The following RNLS variants were observed in gnomAD, a reference collection of about 807,000 sequenced individuals.
RNLS encodes renalase, FAD dependent amine oxidase.
Under a neutral mutation model 39.8 loss-of-function variants are expected in RNLS, and 39 were observed. The ratio of observed to expected loss-of-function variants is 0.98; its 90% CI spans 0.76 to 1.28. RNLS has a LOEUF of 1.28. Among genes scored for constraint, RNLS ranks in the 50% most tolerant of loss-of-function variants. The pLI is 0.00. For missense variants in RNLS, 410 were observed against 413.3 expected, an observed-to-expected ratio of 0.99 and a Z score of 0.07; for synonymous variants, 147 against 150.7, an observed-to-expected ratio of 0.98 and a Z score of 0.18.
chr10:88,261,357 T>A, the RNLS span, among the ~76,000 whole-genome samples: 171 of 152,310 alleles, frequency 1.1e-3, no homozygotes, highest in Non-Finnish European at 1.9e-3. Context: ...TATGCTGCAG[T>A]AACAAACACC....
chr10:88,386,345 A>C (rs767732196), intron 4 of RNLS, among the ~76,000 whole-genome samples: 1 of 152,162 alleles, frequency 6.6e-6, no homozygotes, highest in Non-Finnish European at 1.5e-5. Flanking sequence ...CATAACCAAA[A>C]GGCTAAAATT....
intron 6 of RNLS, among the ~76,000 whole-genome samples, chr10:88,312,513 A>G (rs1010694964): frequency 3.3e-5 from 5 of 152,148 alleles, no homozygotes; most frequent in African/African-American, 1.2e-4. Flanking sequence ...TTACAACAAC[A>G]ATAGGAAATA....
At chr10:88,504,700 T>C (rs1845688564) in intron 4 of RNLS, among the ~76,000 whole-genome samples, 1 of 152,118 alleles carries the variant, frequency 6.6e-6, no homozygotes, top group Non-Finnish European at 1.5e-5. Context: ...ACTCAGACTG[T>C]ATACACTCTA....
At chr10:88,339,031 A>C (rs1466416051) in intron 5 of RNLS, among the ~76,000 whole-genome samples, 1 of 151,892 alleles carries the variant, frequency 6.6e-6, no homozygotes, top group Non-Finnish European at 1.5e-5. Flanking sequence ...CAAAGTGCCG[A>C]GCCACCGTGT....
chr10:88,333,739 A>G (rs1030857471), intron 5 of RNLS, among the ~76,000 whole-genome samples: 2 of 152,138 alleles, frequency 1.3e-5, no homozygotes, highest in African/African-American at 4.8e-5. Context: ...CTAATTTCCA[A>G]TGTGTTCGTA....
At chr10:88,199,801 G>A in the RNLS span, among the ~76,000 whole-genome samples, 1 of 152,204 alleles carries the variant, frequency 6.6e-6, no homozygotes, top group Non-Finnish European at 1.5e-5. Flanking sequence ...GTTCAAGCCA[G>A]AGAGATTGAG....
At position 88,366,124 on chromosome 10, in the gene RNLS, T is replaced by C. The variant is rs117216071; in HGVS notation, c.527-3399A>G. Among the ~76,000 whole-genome samples the C allele has an allele frequency of 8.1e-3, 1,233 of 152,246 alleles. 19 individuals carry two copies. Among genetic ancestry groups the C allele is most frequent in the South Asian group, 0.029 (139 of 4,828 alleles). ...AATAAATAATCAAGTAAATGGTATG[T>C]CAGTTGGTGATAAGAACTATAAGGA... On this transcript the variant is annotated intron_variant, in intron 4 of 6. Transcript: ENST00000331772.
the RNLS span, among the ~76,000 whole-genome samples, chr10:88,213,718 G>C: frequency 2.0e-5 from 3 of 152,090 alleles, no homozygotes; most frequent in Middle Eastern, 3.2e-3. Flanking sequence ...ATTTTTATCT[G>C]AAGGTACATG....
chr10:88,287,946 T>C (rs769134989), intron 6 of RNLS, among the ~76,000 whole-genome samples: 4 of 152,012 alleles, frequency 2.6e-5, no homozygotes, highest in Non-Finnish European at 4.4e-5. Flanking sequence ...GGATGCTATA[T>C]AAAAACTCAA....
At chr10:88,462,703 C>A (rs538978806) in intron 4 of RNLS, among the ~76,000 whole-genome samples, 1 of 151,834 alleles carries the variant, frequency 6.6e-6, no homozygotes. Flanking sequence ...TAATAACCTG[C>A]CTGTGGGGAA....
At chr10:88,488,780 C>T (rs527360717) in intron 4 of RNLS, among the ~76,000 whole-genome samples, 134 of 152,064 alleles carry the variant, frequency 8.8e-4, no homozygotes, top group African/African-American at 2.8e-3. Flanking sequence ...TATGTAAAAG[C>T]GGAAAGTGAA....
intron 4 of RNLS, among the ~76,000 whole-genome samples, chr10:88,511,233 C>T (rs1242076291): frequency 1.3e-5 from 2 of 152,038 alleles, no homozygotes; most frequent in East Asian, 1.9e-4. Flanking sequence ...AGAATCACCT[C>T]TCTATGATGT....
intron 5 of RNLS, among the ~76,000 whole-genome samples, chr10:88,327,042 T>C (rs1387729035): frequency 6.6e-6 from 1 of 152,208 alleles, no homozygotes; most frequent in Non-Finnish European, 1.5e-5. Flanking sequence ...ATCCAATGCC[T>C]ATACCCCCAT....
intron 4 of RNLS, among the ~76,000 whole-genome samples, chr10:88,450,166 C>G (rs1360355607): frequency 6.6e-6 from 1 of 152,124 alleles, no homozygotes; most frequent in Non-Finnish European, 1.5e-5. Flanking sequence ...TCAACACCCT[C>G]TAGGAACAAG....
intron 4 of RNLS, among the ~76,000 whole-genome samples, chr10:88,459,822 C>T (rs1025794779): frequency 6.6e-5 from 10 of 152,126 alleles, no homozygotes; most frequent in African/African-American, 1.9e-4. Flanking sequence ...GATTAAAGGG[C>T]ACTGAATCAC....
chr10:88,261,464 A>G, the RNLS span, among the ~76,000 whole-genome samples: 1 of 152,184 alleles, frequency 6.6e-6, no homozygotes, highest in Non-Finnish European at 1.5e-5. Context: ...CTACCTTATA[A>G]TGATGCCTGC....
the RNLS span, among the ~76,000 whole-genome samples, chr10:88,188,443 T>C: frequency 1.3e-5 from 2 of 152,250 alleles, no homozygotes; most frequent in East Asian, 1.9e-4. Context: ...AGATGTATTC[T>C]GTTTCAATAG....
intron 4 of RNLS, among the ~76,000 whole-genome samples, chr10:88,468,919 C>T (rs965080327): frequency 2.6e-5 from 4 of 151,908 alleles, no homozygotes; most frequent in African/African-American, 7.3e-5. Context: ...AAACTAAATG[C>T]CTTTGAGTTG....
chr10:88,322,171 TAAAC>T (rs1014196086), intron 5 of RNLS, among the ~76,000 whole-genome samples: 1 of 151,998 alleles, frequency 6.6e-6, no homozygotes, highest in South Asian at 2.1e-4. Flanking sequence ...ATTCACCACA[TAAAC>T]AAAAACCATA....
Sources: gnomAD v4.1 joint callset for allele counts (sites outside exome capture counted in the v4.1 genomes callset) on GRCh38, gnomAD v4.1.1 for gene constraint, MANE v1.5 for transcripts, NCBI Gene and HGNC (gene_info 2026-07-23, HGNC 2026-07-21) for gene names.